The following ANO3 variants were observed in gnomAD, a reference collection of about 807,000 sequenced individuals.
ANO3 encodes anoctamin 3, also known as anoctamin-3.
A neutral mutation model predicts 144.8 loss-of-function variants in ANO3; 99 were observed. That is an observed-to-expected ratio of 0.68 (90% CI 0.58 to 0.81). The LOEUF is 0.81. Among genes scored for constraint, ANO3 ranks in the 30% least tolerant of loss-of-function variants. The pLI, the probability that ANO3 is intolerant of heterozygous loss-of-function variation, is 0.00. For synonymous variants in ANO3, 414 were observed against 392.6 expected (o/e 1.05, Z -0.64); for missense variants, 905 against 1,202.2 (o/e 0.75, Z 3.66).
At chr11:26,654,409 CTTT>C (rs1305206068) in intron 24 of ANO3, among the ~76,000 whole-genome samples, 1 of 151,688 alleles carries the variant, frequency 6.6e-6, no homozygotes, top group East Asian at 1.9e-4. Context: ...ATTTTATTTT[CTTT>C]TGTTTGCTGC....
At chr11:26,618,092 G>T (rs561724639) in intron 17 of ANO3, among the ~76,000 whole-genome samples, 1 of 152,224 alleles carries the variant, frequency 6.6e-6, no homozygotes, top group African/African-American at 2.4e-5. Flanking sequence ...CAGGATCCCT[G>T]TACCATCATT....
intron 16 of ANO3, among the ~76,000 whole-genome samples, chr11:26,599,326 A>C (rs572852510): frequency 9.8e-5 from 15 of 152,320 alleles, no homozygotes; most frequent in Admixed American, 3.9e-4. Flanking sequence ...AAGAATTTGC[A>C]TGTTAGTGTG....
chr11:26,625,691 G>C (rs954048085), intron 18 of ANO3, among the ~76,000 whole-genome samples: 2 of 151,998 alleles, frequency 1.3e-5, no homozygotes, highest in African/African-American at 4.8e-5. Flanking sequence ...GACACATCAA[G>C]TATTATACAA....
intron 12 of ANO3, among the ~76,000 whole-genome samples, chr11:26,551,002 C>G (rs747427712): frequency 1.3e-5 from 2 of 151,916 alleles, no homozygotes; most frequent in Non-Finnish European, 2.9e-5. Context: ...ATTTGCATTT[C>G]TCTGATGATT....
intron 24 of ANO3, among the ~76,000 whole-genome samples, chr11:26,650,239 A>AGAG (rs148042404): frequency 6.6e-6 from 1 of 151,992 alleles, no homozygotes; most frequent in East Asian, 1.9e-4. Context: ...TGGCGGAAGA[A>AGAG]GATGACAGTG....
chr11:26,472,059 T>C (rs1345320370), intron 4 of ANO3, among the ~76,000 whole-genome samples: 1 of 152,004 alleles, frequency 6.6e-6, no homozygotes, highest in Non-Finnish European at 1.5e-5. Flanking sequence ...TTCAATAAAT[T>C]AATGTATGGG....
chr11:26,599,790 T>C (rs1851740364), intron 17 of ANO3, 76 bp downstream of exon 17: 2 of 1,346,844 alleles, frequency 1.5e-6, no homozygotes, highest in Admixed American at 2.4e-5. Context: ...TCCTTTATAT[T>C]TGAAATGTAT....
intron 14 of ANO3, among the ~76,000 whole-genome samples, chr11:26,579,806 G>A (rs1851082579): frequency 6.6e-6 from 1 of 152,064 alleles, no homozygotes; most frequent in Admixed American, 6.5e-5. Context: ...ACATTGAGGA[G>A]TCAGACAAAC....
chr11:26,368,380 G>A (rs1035214100), intron 1 of ANO3, among the ~76,000 whole-genome samples: 2 of 152,108 alleles, frequency 1.3e-5, no homozygotes, highest in African/African-American at 2.4e-5. Flanking sequence ...AATTATATTT[G>A]TATCAAAGTT....
chr11:26,493,897 C>G (rs961039353), intron 4 of ANO3, among the ~76,000 whole-genome samples: 14 of 152,138 alleles, frequency 9.2e-5, no homozygotes, highest in African/African-American at 3.1e-4. Context: ...TACCTTCTTT[C>G]AAGCCTGGAA....
chr11:26,625,596 A>G (rs72879853), intron 18 of ANO3, among the ~76,000 whole-genome samples: 10,357 of 152,152 alleles, frequency 0.068, 465 homozygotes, highest in Middle Eastern at 0.13. Context: ...AATAATGGCC[A>G]CTTTTTTGCT....
At chr11:26,425,160 TC>T (rs926623797) in intron 1 of ANO3, among the ~76,000 whole-genome samples, 8 of 151,936 alleles carry the variant, frequency 5.3e-5, no homozygotes, top group African/African-American at 1.9e-4. Flanking sequence ...ATTCTTCCTT[TC>T]CCCTGTTTCT....
At chr11:26,355,610 A>G (rs1270918837) in intron 1 of ANO3, among the ~76,000 whole-genome samples, 1 of 147,384 alleles carries the variant, frequency 6.8e-6, no homozygotes, top group Non-Finnish European at 1.5e-5. Context: ...CCCAGGATGG[A>G]GTGCAATAGC....
intron 1 of ANO3, among the ~76,000 whole-genome samples, chr11:26,398,869 A>C (rs1857080651): frequency 6.6e-6 from 1 of 152,104 alleles, no homozygotes; most frequent in Non-Finnish European, 1.5e-5. Flanking sequence ...AGTGCCATTT[A>C]CAAATTGAAG....
intron 1 of ANO3, among the ~76,000 whole-genome samples, chr11:26,291,937 T>C (rs1360745831): frequency 6.6e-6 from 1 of 152,186 alleles, no homozygotes; most frequent in East Asian, 1.9e-4. Context: ...CTATTTTTCC[T>C]GAATTTGAAT....
intron 10 of ANO3, among the ~76,000 whole-genome samples, chr11:26,540,499 A>G (rs2134202892): frequency 6.6e-6 from 1 of 152,288 alleles, no homozygotes; most frequent in Non-Finnish European, 1.5e-5. Context: ...AAAAGAAACT[A>G]TCATCAGAGT....
chr11:26,425,546 T>C (rs1857894994), intron 1 of ANO3, among the ~76,000 whole-genome samples: 1 of 152,066 alleles, frequency 6.6e-6, no homozygotes, highest in African/African-American at 2.4e-5. Flanking sequence ...ACTACTGAAA[T>C]TGTATTCTAT....
chr11:26,378,582 A>T (rs930055616), intron 1 of ANO3, among the ~76,000 whole-genome samples: 3 of 152,040 alleles, frequency 2.0e-5, no homozygotes, highest in African/African-American at 7.2e-5. Context: ...ACAAAATGGT[A>T]AATGTAATAG....
chr11:26,551,305 A>G (rs1849925116), intron 12 of ANO3, among the ~76,000 whole-genome samples: 1 of 152,020 alleles, frequency 6.6e-6, no homozygotes, highest in African/African-American at 2.4e-5. Flanking sequence ...AACAAAAGAA[A>G]ACCACAATTT....
Sources: gnomAD v4.1 joint callset for allele counts (sites outside exome capture counted in the v4.1 genomes callset) on GRCh38, gnomAD v4.1.1 for gene constraint, MANE v1.5 for transcripts, NCBI Gene and HGNC (gene_info 2026-07-23, HGNC 2026-07-21) for gene names.